The following IQCM variants were observed in gnomAD, a reference collection of about 807,000 sequenced individuals.
IQCM encodes IQ motif containing M, also known as IQ domain-containing protein M.
In IQCM, 45 loss-of-function variants were observed where a neutral mutation model predicts 57.6. That is an observed-to-expected ratio of 0.78 (90% CI 0.62 to 1.00). IQCM has a LOEUF of 1.00. Among genes scored for constraint, IQCM ranks in the 50% least tolerant of loss-of-function variants. The probability of loss-of-function intolerance (pLI) is 0.00; values close to 1 mark genes in which losing one functional copy is unlikely to be tolerated. For synonymous variants in IQCM, 148 were observed against 158.9 expected, an observed-to-expected ratio of 0.93 and a Z score of 0.51; for missense variants, 468 against 511.6, an observed-to-expected ratio of 0.91 and a Z score of 0.82.
At chr4:149,542,842 C>T (rs192269256) in intron 12 of IQCM, among the ~76,000 whole-genome samples, 291 of 151,944 alleles carry the variant, frequency 1.9e-3, no homozygotes, top group African/African-American at 3.9e-3. Context: ...TCATTTAAGC[C>T]TCATAACAGT....
chr4:149,530,127 G>T (rs1746582354), intron 12 of IQCM, among the ~76,000 whole-genome samples: 1 of 151,812 alleles, frequency 6.6e-6, no homozygotes, highest in Non-Finnish European at 1.5e-5. Context: ...CAATTATTCT[G>T]ATCACCCCAA....
chr4:149,359,158 T>C (rs1729295749), intron 13 of IQCM, among the ~76,000 whole-genome samples: 1 of 152,082 alleles, frequency 6.6e-6, no homozygotes, highest in Non-Finnish European at 1.5e-5. Context: ...ACTTTAATGC[T>C]CGTTGGTCCC....
chr4:149,481,714 T>TTTGTTTG (rs1740892573), intron 12 of IQCM, among the ~76,000 whole-genome samples: 3 of 39,048 alleles, frequency 7.7e-5, no homozygotes, highest in African/African-American at 2.3e-4. Flanking sequence ...TTTTTTTTTT[T>TTTGTTTG]TTTTTTTTGC....
intron 8 of IQCM, among the ~76,000 whole-genome samples, chr4:149,596,570 A>G (rs140993303): frequency 2.6e-4 from 40 of 152,274 alleles, no homozygotes; most frequent in African/African-American, 9.1e-4. Context: ...AGGGCAGTAG[A>G]CTTAAGGCAT....
intron 3 of IQCM, among the ~76,000 whole-genome samples, chr4:149,737,867 C>A (rs1236424639): frequency 2.0e-5 from 3 of 152,194 alleles, no homozygotes; most frequent in Non-Finnish European, 4.4e-5. Context: ...TCATGACAGT[C>A]CTTTCCTCTT....
At chr4:149,518,707 T>G (rs912597310) in intron 12 of IQCM, among the ~76,000 whole-genome samples, 25 of 152,010 alleles carry the variant, frequency 1.6e-4, no homozygotes, top group African/African-American at 3.9e-4. Context: ...TAGGTTCCAG[T>G]GGATATTAAG....
intron 13 of IQCM, among the ~76,000 whole-genome samples, chr4:149,429,232 T>C (rs1363191264): frequency 6.6e-6 from 1 of 151,804 alleles, no homozygotes; most frequent in Non-Finnish European, 1.5e-5. Context: ...GTTGGGAGCT[T>C]GAGGACAGAC....
intron 5 of IQCM, among the ~76,000 whole-genome samples, chr4:149,718,580 T>G (rs1250615615): frequency 6.6e-6 from 1 of 152,240 alleles, no homozygotes; most frequent in Non-Finnish European, 1.5e-5. Context: ...ATTAGTTTTA[T>G]ATGCCCATTA....
At chr4:149,692,594 C>G (rs1763022508) in intron 5 of IQCM, among the ~76,000 whole-genome samples, 1 of 152,022 alleles carries the variant, frequency 6.6e-6, no homozygotes, top group Non-Finnish European at 1.5e-5. Context: ...AGGACTGCAT[C>G]CAACATACAA....
intron 2 of IQCM, among the ~76,000 whole-genome samples, chr4:149,799,689 A>G (rs1391426726): frequency 2.6e-5 from 4 of 151,786 alleles, no homozygotes; most frequent in African/African-American, 9.7e-5. Context: ...ATCAGTGGCT[A>G]CTATGAGCAA....
intron 7 of IQCM, among the ~76,000 whole-genome samples, chr4:149,670,835 T>A (rs1761194740): frequency 6.6e-6 from 1 of 152,154 alleles, no homozygotes; most frequent in East Asian, 1.9e-4. Context: ...GCCAATTCTA[T>A]CATGGTGGAT....
intron 12 of IQCM, among the ~76,000 whole-genome samples, chr4:149,510,573 T>A (rs772300450): frequency 3.3e-5 from 5 of 152,192 alleles, no homozygotes; most frequent in Non-Finnish European, 7.4e-5. Context: ...TTGTTAAATC[T>A]AATAAATATC....
chr4:149,812,197 C>T (rs1276564643), intron 2 of IQCM, among the ~76,000 whole-genome samples: 2 of 152,100 alleles, frequency 1.3e-5, no homozygotes, highest in Non-Finnish European at 2.9e-5. Flanking sequence ...AATACAAATG[C>T]TTCTTTTAAT....
intron 7 of IQCM, among the ~76,000 whole-genome samples, chr4:149,669,752 G>A (rs1252559056): frequency 6.6e-6 from 1 of 152,120 alleles, no homozygotes; most frequent in Non-Finnish European, 1.5e-5. Flanking sequence ...CCCATTGCTT[G>A]TTTTTGTCAG....
intron 13 of IQCM, among the ~76,000 whole-genome samples, chr4:149,358,107 T>C (rs575043478): frequency 6.6e-6 from 1 of 152,360 alleles, no homozygotes; most frequent in Admixed American, 6.5e-5. Flanking sequence ...TTTATCATTT[T>C]TTATTGCATC....
intron 12 of IQCM, among the ~76,000 whole-genome samples, chr4:149,474,100 T>C (rs1739906715): frequency 6.6e-6 from 1 of 151,428 alleles, no homozygotes; most frequent in Admixed American, 6.6e-5. Flanking sequence ...ATTGTGCACA[T>C]GTACCCTAGA....
chr4:149,812,480 T>TCTCA (rs1459401671), intron 2 of IQCM, among the ~76,000 whole-genome samples: 55 of 138,872 alleles, frequency 4.0e-4, no homozygotes, highest in South Asian at 2.3e-3. Context: ...TCTCTCTCTC[T>TCTCA]CACACACACA....
intron 13 of IQCM, among the ~76,000 whole-genome samples, chr4:149,403,910 A>G (rs1444192015): frequency 6.6e-6 from 1 of 152,100 alleles, no homozygotes; most frequent in African/African-American, 2.4e-5. Context: ...TAGCAGAATT[A>G]AAGAGTGAAT....
In IQCM at chr4:149,352,043, G is replaced by C; in HGVS notation, c.1414C>G (p.Arg472Gly). 2.5e-6 allele frequency: 1 copy of C among 398,908 alleles called. No homozygotes were observed. Among genetic ancestry groups the C allele is most frequent in the Non-Finnish European group, 4.4e-6 (1 of 226,016 alleles). 24.7% of individuals were successfully genotyped at this position (398,908 alleles called of 1,614,324 possible). ...YIVNGHPALKRANIRVVGKLV... is the reference protein window; with the variant it reads ...YIVNGHPALKGANIRVVGKLV... ...TTTCCAACAACCCGGATGTTAGCTC[G>C]TTTGAGTGCTGGATGTCCATTTACT... is the stretch of plus-strand genomic sequence containing the variant. Residue 472 changes from arginine to glycine, a missense_variant, in exon 14 of 14, where the codon CGA becomes GGA. Arg to Gly is a moderately radical substitution (Grantham distance 125). Coordinates refer to ENST00000636793, the MANE Select transcript of IQCM (RefSeq NM_001363507.2).
Sources: allele counts gnomAD v4.1 joint callset (sites outside exome capture counted in the v4.1 genomes callset), GRCh38; gene constraint gnomAD v4.1.1; transcripts MANE v1.5; gene names NCBI Gene and HGNC (gene_info 2026-07-23, HGNC 2026-07-21).